CNTN4: variants seen among roughly 807,000 people sequenced by gnomAD.
CNTN4 encodes contactin 4.
A neutral mutation model predicts 122.5 loss-of-function variants in CNTN4; 77 were observed. The observed-to-expected ratio is 0.63, with a 90% CI of 0.52 to 0.76. The LOEUF is 0.76. Ranked by LOEUF, CNTN4 falls within the 30% of genes least tolerant of loss-of-function variation. The pLI, the probability that CNTN4 is intolerant of heterozygous loss-of-function variation, is 0.00. For missense variants in CNTN4, 1,256 were observed against 1,259.1 expected, an observed-to-expected ratio of 1.00 and a Z score of 0.04; for synonymous variants, 512 against 447.0, an observed-to-expected ratio of 1.15 and a Z score of -1.83.
chr3:2,856,237 A>G (rs1296114907), intron 7 of CNTN4, among the ~76,000 whole-genome samples: 1 of 152,248 alleles, frequency 6.6e-6, no homozygotes, highest in Non-Finnish European at 1.5e-5. Flanking sequence ...GAGATGAGCA[A>G]CTGAACTATT....
chr3:2,629,740 T>C (rs2082348907), intron 4 of CNTN4, among the ~76,000 whole-genome samples: 1 of 152,224 alleles, frequency 6.6e-6, no homozygotes, highest in African/African-American at 2.4e-5. Context: ...ACGTGGTGCC[T>C]GCTTGCACTG....
chr3:2,140,709 C>A (rs570349257), intron 2 of CNTN4, among the ~76,000 whole-genome samples: 69 of 152,214 alleles, frequency 4.5e-4, no homozygotes, highest in African/African-American at 1.7e-3. Context: ...TAGCATAGGC[C>A]AATTAAGAAC....
At chr3:2,550,371 A>G (rs1047586095) in intron 3 of CNTN4, among the ~76,000 whole-genome samples, 3 of 152,224 alleles carry the variant, frequency 2.0e-5, no homozygotes, top group African/African-American at 4.8e-5. Flanking sequence ...ACTGGTCATT[A>G]GAGAAATGCA....
Position 2,744,998 on chromosome 3 carries a change from C to T in CNTN4, c.183-524C>T, listed in dbSNP as rs182972879. Among the ~76,000 whole-genome samples, 94 of 152,312 alleles carry T rather than the reference C, an allele frequency of 6.2e-4. 3 individuals carry two copies. The highest frequency in any genetic ancestry group is 6.1e-3 in the Admixed American group (93 of 15,304). ...ACGGTTAAAGCAGGTTTGGTCCCCACAGCAGCTCAAGATCAATAGTTCCTC... is the reference window on the plus strand; with the variant it reads ...ACGGTTAAAGCAGGTTTGGTCCCCATAGCAGCTCAAGATCAATAGTTCCTC... On this transcript the variant is annotated intron_variant, in intron 5 of 24. Coordinates refer to ENST00000418658, the MANE Select transcript of CNTN4 (RefSeq NM_175607.3).
intron 2 of CNTN4, among the ~76,000 whole-genome samples, chr3:2,318,018 T>C (rs1451793087): frequency 6.6e-6 from 1 of 152,136 alleles, no homozygotes; most frequent in Non-Finnish European, 1.5e-5. Flanking sequence ...ACTTGAATAT[T>C]AATCTTAGAT....
chr3:2,276,360 G>T (rs1431664169), intron 2 of CNTN4, among the ~76,000 whole-genome samples: 2 of 152,014 alleles, frequency 1.3e-5, no homozygotes, highest in African/African-American at 4.8e-5. Flanking sequence ...TTTTAGCAGA[G>T]AGAGGGTTTC....
intron 2 of CNTN4, among the ~76,000 whole-genome samples, chr3:2,105,485 C>G (rs1021436920): frequency 1.3e-5 from 2 of 152,084 alleles, no homozygotes; most frequent in Non-Finnish European, 2.9e-5. Context: ...GCAGAAGGCA[C>G]GAGAGAAGCA....
chr3:2,213,332 C>T (rs1183244352), intron 2 of CNTN4, among the ~76,000 whole-genome samples: 1 of 152,156 alleles, frequency 6.6e-6, no homozygotes, highest in African/African-American at 2.4e-5. Flanking sequence ...CCTTGCCTCC[C>T]TGGAGCCTTG....
At chr3:2,120,372 TAAA>T (rs2033651262) in intron 2 of CNTN4, among the ~76,000 whole-genome samples, 1 of 84,340 alleles carries the variant, frequency 1.2e-5, no homozygotes, top group Non-Finnish European at 2.2e-5. Context: ...TATATATATA[TAAA>T]TATATATATA....
chr3:2,226,262 C>G (rs900915250), intron 2 of CNTN4, among the ~76,000 whole-genome samples: 35 of 152,046 alleles, frequency 2.3e-4, no homozygotes, highest in African/African-American at 8.5e-4. Flanking sequence ...GGACTTGCCT[C>G]GTCTACATTT....
At chr3:2,942,726 A>G (rs2094628255) in intron 13 of CNTN4, among the ~76,000 whole-genome samples, 1 of 152,154 alleles carries the variant, frequency 6.6e-6, no homozygotes, top group South Asian at 2.1e-4. Context: ...GGTGTTCTAT[A>G]ATCAAATAAG....
At chr3:2,976,562 C>G (rs937832993) in intron 13 of CNTN4, among the ~76,000 whole-genome samples, 1 of 151,974 alleles carries the variant, frequency 6.6e-6, no homozygotes, top group Non-Finnish European at 1.5e-5. Flanking sequence ...CTGAAATTAC[C>G]CCGGGAGGAG....
At chr3:2,775,815 A>T (rs950614327) in intron 6 of CNTN4, among the ~76,000 whole-genome samples, 1 of 152,076 alleles carries the variant, frequency 6.6e-6, no homozygotes, top group African/African-American at 2.4e-5. Flanking sequence ...TTACTAAGCT[A>T]TTGTCTGTCT....
intron 6 of CNTN4, among the ~76,000 whole-genome samples, chr3:2,777,688 C>T (rs866006899): frequency 1.9e-4 from 29 of 152,300 alleles, no homozygotes; most frequent in Admixed American, 1.2e-3. Context: ...AGGTATCTCA[C>T]GCAAGATACC....
intron 2 of CNTN4, among the ~76,000 whole-genome samples, chr3:2,292,480 T>C (rs113055552): frequency 6.6e-6 from 1 of 152,226 alleles, no homozygotes. Flanking sequence ...AAGTGTACAA[T>C]GTGTTAACTT....
intron 2 of CNTN4, among the ~76,000 whole-genome samples, chr3:2,274,437 T>C (rs543858901): frequency 3.9e-5 from 6 of 152,234 alleles, no homozygotes; most frequent in African/African-American, 1.4e-4. Flanking sequence ...TAGACATTAT[T>C]TGTTTCTCAA....
chr3:2,448,416 G>T (rs908280582), intron 3 of CNTN4, among the ~76,000 whole-genome samples: 1 of 152,224 alleles, frequency 6.6e-6, no homozygotes, highest in African/African-American at 2.4e-5. Flanking sequence ...ATTCTCGACT[G>T]TTGGAGTGAT....
At chr3:2,457,990 AC>A (rs201004596) in intron 3 of CNTN4, among the ~76,000 whole-genome samples, 2,354 of 152,226 alleles carry the variant, frequency 0.015, 62 homozygotes, top group African/African-American at 0.053. Flanking sequence ...TCCTGCTCAG[AC>A]CAAACATCTC....
chr3:2,193,151 C>G (rs2037665740), intron 2 of CNTN4, among the ~76,000 whole-genome samples: 1 of 152,084 alleles, frequency 6.6e-6, no homozygotes, highest in Non-Finnish European at 1.5e-5. Context: ...AGTTCCATCC[C>G]CTGAGAAAAC....
Sources: gnomAD v4.1 joint callset for allele counts (sites outside exome capture counted in the v4.1 genomes callset) on GRCh38, gnomAD v4.1.1 for gene constraint, MANE v1.5 for transcripts, NCBI Gene and HGNC (gene_info 2026-07-23, HGNC 2026-07-21) for gene names.